The following KCND3 variants were observed in gnomAD, a reference collection of about 807,000 sequenced individuals.
KCND3 encodes the protein A-type voltage-gated potassium channel KCND3.
In KCND3, 9 loss-of-function variants were observed where a neutral mutation model predicts 51.1. The ratio of observed to expected loss-of-function variants is 0.18; its 90% CI spans 0.11 to 0.31. The LOEUF is 0.31. Among genes scored for constraint, KCND3 ranks in the 10% least tolerant of loss-of-function variants. The pLI is 1.00. For missense variants in KCND3, 526 were observed against 903.8 expected (o/e 0.58, Z 5.36); for synonymous variants, 349 against 368.0 (o/e 0.95, Z 0.59).
chr1:111,958,881 C>T (rs1478012912), intron 2 of KCND3, among the ~76,000 whole-genome samples: 5 of 152,288 alleles, frequency 3.3e-5, no homozygotes, highest in Admixed American at 6.5e-5. Context: ...CAAAATCTCT[C>T]GATTAGTTTT....
chr1:111,868,697 T>C (rs1003953310), intron 2 of KCND3, among the ~76,000 whole-genome samples: 11 of 152,224 alleles, frequency 7.2e-5, no homozygotes, highest in African/African-American at 2.7e-4. Context: ...TGAATTATCA[T>C]TTCTATTTTA....
intron 2 of KCND3, among the ~76,000 whole-genome samples, chr1:111,812,174 A>G (rs1665884450): frequency 6.6e-6 from 1 of 152,328 alleles, no homozygotes; most frequent in Non-Finnish European, 1.5e-5. Context: ...GGGCCTGGAC[A>G]GCTGATCTTC....
At chr1:111,788,808 T>A (rs1049261418) in intron 2 of KCND3, among the ~76,000 whole-genome samples, 9 of 152,244 alleles carry the variant, frequency 5.9e-5, no homozygotes, top group Non-Finnish European at 1.3e-4. Context: ...GGGGGAATGT[T>A]ACTCTGGGCC....
intron 2 of KCND3, among the ~76,000 whole-genome samples, chr1:111,794,714 C>G (rs1664982115): frequency 1.3e-5 from 2 of 152,204 alleles, no homozygotes; most frequent in African/African-American, 4.8e-5. Flanking sequence ...CAAAAGACAA[C>G]AGTAGACCAT....
At chr1:111,803,933 T>C (rs1272820623) in intron 2 of KCND3, among the ~76,000 whole-genome samples, 4 of 152,230 alleles carry the variant, frequency 2.6e-5, no homozygotes, top group Non-Finnish European at 5.9e-5. Flanking sequence ...TCTTTAACTT[T>C]TCTTTATGTG....
In KCND3 at chr1:111,871,427, G is replaced by T. The variant is rs543941079; in HGVS notation, c.1107-84321C>A. 1.0e-3 allele frequency among the ~76,000 whole-genome samples: 155 copies of T among 152,172 alleles called. 1 individual carries two copies. The highest frequency in any genetic ancestry group is 1.7e-3 in the Non-Finnish European group (113 of 68,044). ...AGCCAGCTGGTAACACAATTGGTAG[G>T]TCCTAGAGAGAGGCAAGGAGGAGTC... On this transcript the variant is annotated intron_variant, in intron 2 of 7. Transcript: ENST00000302127.
intron 2 of KCND3, among the ~76,000 whole-genome samples, chr1:111,965,334 G>C (rs577504163): frequency 6.6e-6 from 1 of 151,924 alleles, no homozygotes; most frequent in Non-Finnish European, 1.5e-5. Flanking sequence ...AGGGACTCTA[G>C]ATGGCAGGAA....
intron 2 of KCND3, among the ~76,000 whole-genome samples, chr1:111,930,516 TG>T (rs1671916019): frequency 6.6e-6 from 1 of 152,210 alleles, no homozygotes; most frequent in Non-Finnish European, 1.5e-5. Context: ...AGCCAGCCCC[TG>T]GACCTGGGTA....
chr1:111,892,721 T>C (rs539438564), intron 2 of KCND3, among the ~76,000 whole-genome samples: 1 of 152,306 alleles, frequency 6.6e-6, no homozygotes, highest in African/African-American at 2.4e-5. Flanking sequence ...AGACTGGTAA[T>C]CAGAAAAGGT....
intron 2 of KCND3, among the ~76,000 whole-genome samples, chr1:111,877,030 A>G (rs143794878): frequency 6.6e-6 from 1 of 152,348 alleles, no homozygotes; most frequent in East Asian, 1.9e-4. Context: ...CACATTTAGA[A>G]AAGTGCCTAG....
intron 2 of KCND3, among the ~76,000 whole-genome samples, chr1:111,936,575 C>T (rs928356310): frequency 1.3e-5 from 2 of 152,152 alleles, no homozygotes; most frequent in African/African-American, 4.8e-5. Context: ...TGCGGCGGGA[C>T]AGGCAAGAGT....
intron 2 of KCND3, among the ~76,000 whole-genome samples, chr1:111,952,745 T>G (rs1332290500): frequency 6.6e-6 from 1 of 152,112 alleles, no homozygotes; most frequent in Admixed American, 6.5e-5. Flanking sequence ...AAAACTCCCA[T>G]GCTTGCCTCC....
At chr1:111,909,832 T>C (rs1311245693) in intron 2 of KCND3, 1 of 152,182 alleles carries the variant, frequency 6.6e-6, no homozygotes, top group Non-Finnish European at 1.5e-5. Flanking sequence ...TAATACCACA[T>C]CCCTTGTAGG....
intron 6 of KCND3, 80 bp downstream of exon 6, chr1:111,778,356 C>A: frequency 7.5e-7 from 1 of 1,331,120 alleles, no homozygotes; most frequent in East Asian, 2.3e-5. Flanking sequence ...AGAACCAGGC[C>A]GGGGGGTAAA....
chr1:111,909,625 T>C (rs1341108095), intron 2 of KCND3: 1 of 152,252 alleles, frequency 6.6e-6, no homozygotes, highest in Non-Finnish European at 1.5e-5. Context: ...AGTGTCACCA[T>C]GGTCATTGCT....
At chr1:111,898,242 T>G (rs1444046796) in intron 2 of KCND3, among the ~76,000 whole-genome samples, 2 of 152,192 alleles carry the variant, frequency 1.3e-5, no homozygotes, top group African/African-American at 4.8e-5. Flanking sequence ...TTAGCCTTTC[T>G]TTACCATGAT....
chr1:111,904,302 C>A (rs1443574996), intron 2 of KCND3, among the ~76,000 whole-genome samples: 1 of 152,078 alleles, frequency 6.6e-6, no homozygotes, highest in Admixed American at 6.5e-5. Flanking sequence ...GATCCTGTCA[C>A]CCTTCCCAGC....
At chr1:111,955,137 CG>C (rs1491000969) in intron 2 of KCND3, among the ~76,000 whole-genome samples, 3 of 152,206 alleles carry the variant, frequency 2.0e-5, no homozygotes, top group African/African-American at 7.2e-5. Context: ...TATCCCTGCC[CG>C]GAACAGTGGC....
chr1:111,814,404 A>G (rs1041310470), intron 2 of KCND3, among the ~76,000 whole-genome samples: 6 of 152,246 alleles, frequency 3.9e-5, no homozygotes, highest in African/African-American at 1.4e-4. Flanking sequence ...CCGTGAGAAG[A>G]GGAAACAGCG....
Sources: allele counts gnomAD v4.1 joint callset (sites outside exome capture counted in the v4.1 genomes callset), GRCh38; gene constraint gnomAD v4.1.1; transcripts MANE v1.5; gene names NCBI Gene and HGNC (gene_info 2026-07-23, HGNC 2026-07-21).